The following PDE1C variants were observed in gnomAD, a reference collection of about 807,000 sequenced individuals.
PDE1C encodes dual specificity calcium/calmodulin-dependent 3',5'-cyclic nucleotide phosphodiesterase 1C.
PDE1C carries 62 observed loss-of-function variants against 93.1 expected under a neutral mutation model. The observed-to-expected ratio is 0.67, with a 90% CI of 0.54 to 0.82. The LOEUF is 0.82. PDE1C is among the 40% of genes least tolerant of loss of function. The pLI, the probability that PDE1C is intolerant of heterozygous loss-of-function variation, is 0.00. For missense variants in PDE1C, 742 were observed against 884.6 expected, an observed-to-expected ratio of 0.84 and a Z score of 2.04; for synonymous variants, 325 against 310.1, an observed-to-expected ratio of 1.05 and a Z score of -0.50.
At chr7:31,979,991 CTAAG>C (rs1812171137) in intron 2 of PDE1C, among the ~76,000 whole-genome samples, 1 of 152,126 alleles carries the variant, frequency 6.6e-6, no homozygotes, top group South Asian at 2.1e-4. Flanking sequence ...AGATGGAGGC[CTAAG>C]TAAATATTCC....
intron 1 of PDE1C, among the ~76,000 whole-genome samples, chr7:32,210,441 C>G (rs1805937275): frequency 6.6e-6 from 1 of 152,186 alleles, no homozygotes; most frequent in African/African-American, 2.4e-5. Flanking sequence ...AAGGAGATTG[C>G]TAACGTCATC....
chr7:32,338,301 T>C lies in PDE1C; in HGVS notation c.310+89521A>G, dbSNP rs75569248. Among the ~76,000 whole-genome samples the C allele has an allele frequency of 5.5e-3, 839 of 152,202 alleles. 11 individuals carry two copies. Among genetic ancestry groups the C allele is most frequent in the East Asian group, 0.055 (283 of 5,166 alleles). ...AAGAAAAACAACCCGATTTAAAAAATGAGCAAAGGACTTGAATAGATATTT... is the reference window on the plus strand; with the variant it reads ...AAGAAAAACAACCCGATTTAAAAAACGAGCAAAGGACTTGAATAGATATTT... On this transcript the variant is annotated intron_variant, in intron 1 of 1. Transcript: ENST00000672256.
At chr7:32,290,885 T>C (rs186699391) in intron 1 of PDE1C, among the ~76,000 whole-genome samples, 3 of 152,272 alleles carry the variant, frequency 2.0e-5, no homozygotes, top group African/African-American at 7.2e-5. Flanking sequence ...GAAGACAAAG[T>C]CATCCTTACA....
intron 3 of PDE1C, among the ~76,000 whole-genome samples, chr7:32,114,660 C>A (rs1798882092): frequency 6.6e-6 from 1 of 152,168 alleles, no homozygotes; most frequent in Non-Finnish European, 1.5e-5. Flanking sequence ...GCAAAAGAAA[C>A]TGTCATCAGA....
At chr7:32,034,990 A>ACAATCATACTCTATTATTT (rs1790855297) in intron 2 of PDE1C, among the ~76,000 whole-genome samples, 1 of 152,176 alleles carries the variant, frequency 6.6e-6, no homozygotes, top group African/African-American at 2.4e-5. Context: ...TTTTATTATT[A>ACAATCATACTCTATTATTT]CAATCATACT....
chr7:31,901,600 A>T (rs1027494847), intron 2 of PDE1C, among the ~76,000 whole-genome samples: 11 of 151,232 alleles, frequency 7.3e-5, no homozygotes, highest in African/African-American at 2.7e-4. Context: ...GCAAAATTTG[A>T]GAACTTATTA....
intron 1 of PDE1C, among the ~76,000 whole-genome samples, chr7:32,332,360 A>G (rs1783531786): frequency 6.6e-6 from 1 of 152,220 alleles, no homozygotes; most frequent in South Asian, 2.1e-4. Context: ...AAAGGGCTAC[A>G]ATAAAAAAGA....
chr7:32,080,245 G>A (rs75101206), intron 3 of PDE1C, among the ~76,000 whole-genome samples: 13,210 of 152,076 alleles, frequency 0.087, 685 homozygotes, highest in African/African-American at 0.13. Context: ...TAGTCTTCTA[G>A]AGGGCAGAGA....
chr7:32,364,989 A>G (rs1311249952), intron 1 of PDE1C, among the ~76,000 whole-genome samples: 1 of 152,240 alleles, frequency 6.6e-6, no homozygotes, highest in East Asian at 1.9e-4. Flanking sequence ...TGCTTTCCTC[A>G]AGTGGGAGAG....
intron 2 of PDE1C, among the ~76,000 whole-genome samples, chr7:31,911,086 T>G (rs1469463340): frequency 1.3e-5 from 2 of 152,170 alleles, no homozygotes; most frequent in African/African-American, 4.8e-5. Context: ...CACACATACA[T>G]GCAAACTAGT....
the PDE1C span, chr7:31,643,778 C>T: frequency 1.2e-6 from 2 of 1,614,000 alleles, no homozygotes; most frequent in South Asian, 1.1e-5. Flanking sequence ...GCTATACCTG[C>T]CCACTGCTGC....
intron 16 of PDE1C, chr7:31,785,485 G>T (rs1277291564): frequency 6.6e-6 from 1 of 152,020 alleles, no homozygotes; most frequent in African/African-American, 2.4e-5. Flanking sequence ...AAATGACTAG[G>T]GTGGGTATTT....
At chr7:32,420,123 A>ATATG (rs1432430238) in intron 1 of PDE1C, among the ~76,000 whole-genome samples, 4 of 22,474 alleles carry the variant, frequency 1.8e-4, no homozygotes, top group Non-Finnish European at 3.9e-4. Flanking sequence ...ATATATATAT[A>ATATG]TACACACACA....
At chr7:32,135,231 T>C (rs1283733042) in intron 3 of PDE1C, among the ~76,000 whole-genome samples, 1 of 152,152 alleles carries the variant, frequency 6.6e-6, no homozygotes, top group Non-Finnish European at 1.5e-5. Context: ...CCTCTCATGA[T>C]GAGCCCTATA....
intron 2 of PDE1C, among the ~76,000 whole-genome samples, chr7:31,927,677 C>A (rs1055927499): frequency 6.6e-6 from 1 of 152,166 alleles, no homozygotes; most frequent in African/African-American, 2.4e-5. Flanking sequence ...GGACCTCCAG[C>A]AAACTCCAGC....
chr7:32,085,223 A>G (rs1185989665), intron 3 of PDE1C, among the ~76,000 whole-genome samples: 1 of 151,088 alleles, frequency 6.6e-6, no homozygotes, highest in Non-Finnish European at 1.5e-5. Flanking sequence ...TACTACAAAC[A>G]ACTCTACGCA....
chr7:32,381,345 T>C (rs761945040), intron 1 of PDE1C, among the ~76,000 whole-genome samples: 39 of 152,048 alleles, frequency 2.6e-4, no homozygotes, highest in Admixed American at 8.5e-4. Flanking sequence ...AGAGAGACTG[T>C]TCATCGCTGC....
chr7:31,760,131 G>A (rs1794738358), intron 17 of PDE1C, among the ~76,000 whole-genome samples: 1 of 152,120 alleles, frequency 6.6e-6, no homozygotes, highest in African/African-American at 2.4e-5. Flanking sequence ...ATTTAACTGA[G>A]TTAAACTAGT....
intron 1 of PDE1C, among the ~76,000 whole-genome samples, chr7:32,404,788 A>G (rs1486597036): frequency 6.6e-6 from 1 of 152,220 alleles, no homozygotes; most frequent in South Asian, 2.1e-4. Context: ...AAGGAGGAAC[A>G]GCCTCCAATT....
Sources: gnomAD v4.1 joint callset for allele counts (sites outside exome capture counted in the v4.1 genomes callset) on GRCh38, gnomAD v4.1.1 for gene constraint, MANE v1.5 for transcripts, NCBI Gene and HGNC (gene_info 2026-07-23, HGNC 2026-07-21) for gene names.